SRI: variants seen among roughly 807,000 people sequenced by gnomAD.
The protein encoded by SRI is sorcin.
In SRI, 30 loss-of-function variants were observed where a neutral mutation model predicts 33.3. The observed-to-expected ratio is 0.90, with a 90% CI of 0.67 to 1.22. The LOEUF is 1.22. Ranked by LOEUF, SRI falls within the 50% of genes most tolerant of loss-of-function variation. The pLI is 0.00. For missense variants in SRI, 243 were observed against 250.8 expected (o/e 0.97, Z 0.21); for synonymous variants, 75 against 89.9 (o/e 0.83, Z 0.94).
chr7:88,222,289 T>C (rs1851905517), upstream of SRI, among the ~76,000 whole-genome samples: 1 of 149,332 alleles, frequency 6.7e-6, no homozygotes, highest in Admixed American at 6.7e-5. Flanking sequence ...GTTGAACTAG[T>C]TTACAGTCCC....
At position 88,210,052 on chromosome 7, in the gene SRI, T is replaced by TA. The variant is rs1563472256; in HGVS notation, c.327dup (p.Ile110TyrfsTer4). The TA allele has an allele frequency of 6.2e-7, 1 of 1,614,182 alleles. No individual in the cohort carries two copies. The highest frequency in any genetic ancestry group is 1.1e-5 in the South Asian group (1 of 91,086). On this transcript the variant is annotated frameshift_variant, in exon 5 of 8. Transcript: ENST00000265729. LOFTEE classifies it high-confidence loss of function. Reference sequence around the variant, plus strand: ...CCACTCCTGTCAGTGTCAAAACTGATAAAGTGTTGTCTCCAGCCATTCAGT... The same window carrying TA: ...CCACTCCTGTCAGTGTCAAAACTGATAAAAGTGTTGTCTCCAGCCATTCAGT...
chr7:88,212,018 C>T (rs1001139492), intron 3 of SRI, among the ~76,000 whole-genome samples: 2 of 152,210 alleles, frequency 1.3e-5, no homozygotes, highest in Non-Finnish European at 2.9e-5. Context: ...GAAGCTACAA[C>T]GCTAAATGGC....
At chr7:88,212,122 T>C (rs1046259895) in intron 3 of SRI, among the ~76,000 whole-genome samples, 2 of 152,234 alleles carry the variant, frequency 1.3e-5, no homozygotes, top group African/African-American at 2.4e-5. Context: ...TAGCTTCATA[T>C]TTTTTCTCAA....
chr7:88,211,984 C>A (rs1441143631), intron 3 of SRI, among the ~76,000 whole-genome samples: 1 of 152,202 alleles, frequency 6.6e-6, no homozygotes, highest in Non-Finnish European at 1.5e-5. Context: ...GAATCAATGA[C>A]TGAAGAAATT....
At chr7:88,209,082 G>A (rs1214738791) in intron 6 of SRI, 2 of 328,684 alleles carry the variant, frequency 6.1e-6, no homozygotes, top group Non-Finnish European at 1.1e-5. Context: ...AAATGCACAA[G>A]TTAGCTGATT....
upstream of SRI, among the ~76,000 whole-genome samples, chr7:88,224,987 G>A (rs142400319): frequency 6.6e-6 from 1 of 152,342 alleles, no homozygotes; most frequent in Non-Finnish European, 1.5e-5. Flanking sequence ...ACAGCACAGG[G>A]ACCCTTTCAT....
rs1851821793 is a variant in SRI, at chr7:88,219,364, A to C, written c.52-422T>G. On this transcript the variant is annotated intron_variant, in intron 1 of 7. Transcript: ENST00000265729. ...TAACATTCTGAGACGGGTGTAGCCT[A>C]GGGAAGAGTAAGGTGTCCGGCCGGG... The C allele has an allele frequency of 2.8e-5, 7 of 252,594 alleles. No homozygotes were observed. The Admixed American group carries it at 3.6e-4, about 13-fold the overall frequency. 15.6% of individuals were successfully genotyped at this position (252,594 alleles called of 1,614,324 possible).
chr7:88,205,570 A>G lies in SRI; in HGVS notation c.*908T>C, dbSNP rs1251744754. 1 of 149,828 alleles carries G rather than the reference A, an allele frequency of 6.7e-6. No homozygotes were observed. The highest frequency in any genetic ancestry group is 6.6e-5 in the Admixed American group (1 of 15,228). The allele number at this position is 149,828 out of a possible 1,614,324, so 9.3% of individuals were successfully genotyped here. A position where few individuals can be genotyped will look rare whatever the true frequency, so the allele number is the denominator to read the frequency against. On this transcript the variant is annotated 3_prime_UTR_variant, in exon 8 of 8. Transcript: ENST00000265729. The stretch of plus-strand genomic sequence containing the variant: ...ATGTTTGGAAAAGCAGTAAGAAGGA[A>G]GAAGATGAACTCATGATCCTGACTC...
intron 1 of SRI, 150 bp from the exon 2 acceptor site, chr7:88,219,092 C>A: frequency 1.5e-6 from 1 of 688,832 alleles, no homozygotes; most frequent in Non-Finnish European, 2.6e-6. Context: ...TCTGCCAACA[C>A]TCCACCCCTC....
chr7:88,211,180 T>C (rs1218352214), intron 3 of SRI, among the ~76,000 whole-genome samples: 1 of 152,166 alleles, frequency 6.6e-6, no homozygotes, highest in South Asian at 2.1e-4. Flanking sequence ...AGTCCGGGTA[T>C]GGTGGCTCAC....
intron 2 of SRI, among the ~76,000 whole-genome samples, chr7:88,218,004 C>A (rs183920376): frequency 9.9e-5 from 15 of 152,268 alleles, no homozygotes; most frequent in African/African-American, 3.6e-4. Flanking sequence ...AGAGTACTAC[C>A]TTAAAAGTGG....
At chr7:88,223,490 C>T (rs971039296), upstream of SRI, among the ~76,000 whole-genome samples, 2 of 152,084 alleles carry the variant, frequency 1.3e-5, no homozygotes, top group African/African-American at 4.8e-5. Context: ...AGAGAGTCTA[C>T]ATACATAGTG....
chr7:88,210,321 ACTGTGGGGAAAAGAT>A, intron 4 of SRI, 191 bp from the exon 5 acceptor site: 1 of 653,542 alleles, frequency 1.5e-6, no homozygotes, highest in Admixed American at 2.6e-5. Flanking sequence ...GCCAATTTTT[ACTGTGGGGAAAAGAT>A]AACTTACATG....
chr7:88,225,416 A>G (rs1483235524), intron 1 of SRI, among the ~76,000 whole-genome samples: 1 of 152,194 alleles, frequency 6.6e-6, no homozygotes, highest in Non-Finnish European at 1.5e-5. Context: ...GTTCCCCATC[A>G]CTAGAAGTGA....
chr7:88,210,425 T>C, intron 4 of SRI: 1 of 434,912 alleles, frequency 2.3e-6, no homozygotes, highest in Non-Finnish European at 4.2e-6. Context: ...AGGCTGTACT[T>C]TGTGGGTGCT....
chr7:88,212,289 C>T (rs1320411263), intron 3 of SRI, among the ~76,000 whole-genome samples: 1 of 152,174 alleles, frequency 6.6e-6, no homozygotes, highest in Non-Finnish European at 1.5e-5. Flanking sequence ...CCTTCAATCT[C>T]CATTTGATCC....
intron 3 of SRI, among the ~76,000 whole-genome samples, chr7:88,212,634 T>C (rs925575421): frequency 6.6e-6 from 1 of 152,210 alleles, no homozygotes; most frequent in Non-Finnish European, 1.5e-5. Context: ...CATATTAGCA[T>C]CACCCAGGAG....
In SRI at chr7:88,210,166, G is replaced by C. The variant is rs201626526; in HGVS notation, c.250-36C>G. ...ATCAAGGATTAGAGCTGTATTTTGC[G>C]ATATTTTCTAAGGATTAAATGAAAG... is the stretch of plus-strand genomic sequence containing the variant. On this transcript the variant is annotated intron_variant, in intron 4 of 7. Coordinates refer to ENST00000265729, the MANE Select transcript of SRI (RefSeq NM_003130.4). 3.1e-6 allele frequency: 5 copies of C among 1,611,702 alleles called. No homozygotes were observed. In the South Asian group the frequency reaches 3.3e-5, roughly 11 times the overall value.
intron 3 of SRI, among the ~76,000 whole-genome samples, chr7:88,211,623 T>G (rs1277415406): frequency 6.6e-6 from 1 of 152,210 alleles, no homozygotes; most frequent in East Asian, 1.9e-4. Flanking sequence ...TTGCTGGTTT[T>G]GCTAATTTTG....
Sources: gnomAD v4.1 joint callset for allele counts (sites outside exome capture counted in the v4.1 genomes callset) on GRCh38, gnomAD v4.1.1 for gene constraint, MANE v1.5 for transcripts, NCBI Gene and HGNC (gene_info 2026-07-23, HGNC 2026-07-21) for gene names.